MEAF6: variants seen among roughly 807,000 people sequenced by gnomAD.
MEAF6 encodes chromatin modification-related protein MEAF6.
MEAF6 carries 15 observed loss-of-function variants against 28.9 expected under a neutral mutation model. The observed-to-expected ratio is 0.52, with a 90% CI of 0.35 to 0.80. The LOEUF (loss-of-function observed/expected upper bound fraction) is 0.80, where lower values mean the gene tolerates loss of function less well. Among genes scored for constraint, MEAF6 ranks in the 30% least tolerant of loss-of-function variants. MEAF6 has a pLI of 0.01. For synonymous variants in MEAF6, 97 were observed against 88.7 expected, an observed-to-expected ratio of 1.09 and a Z score of -0.53; for missense variants, 178 against 237.5, an observed-to-expected ratio of 0.75 and a Z score of 1.65.
chr1:37,496,817 C>T, intron 5 of MEAF6: 1 of 1,424,932 alleles, frequency 7.0e-7, no homozygotes, highest in Non-Finnish European at 9.4e-7. Context: ...GCCACCCTAG[C>T]AAGAATTGTA....
At chr1:37,514,504 G>A (rs1642775390) in intron 1 of MEAF6, 153 bp downstream of exon 1, 7 of 431,856 alleles carry the variant, frequency 1.6e-5, no homozygotes, top group East Asian at 1.3e-4. Context: ...CCGGCGGGCC[G>A]CAGAATGCGC....
At chr1:37,500,444 T>G (rs191240195) in intron 5 of MEAF6, among the ~76,000 whole-genome samples, 5 of 152,378 alleles carry the variant, frequency 3.3e-5, no homozygotes, top group Admixed American at 1.3e-4. Flanking sequence ...CTTACTACAG[T>G]TGGTCAAATA....
In MEAF6 at chr1:37,494,074, G is replaced by A. The variant is rs752245969; in HGVS notation, c.*25C>T. The A allele has an allele frequency of 1.2e-6, 2 of 1,609,712 alleles. No individual in the cohort carries two copies. The highest frequency in any genetic ancestry group is 1.7e-5 in the Admixed American group (1 of 58,722). On this transcript the variant is annotated 3_prime_UTR_variant, in exon 7 of 7. Transcript: ENST00000296214. ...GAAGGGAAGCAGGGCTCTACAGCCT[G>A]GAAGCTTCTGCACTAATGTGTCTTC...
In MEAF6 at chr1:37,490,749, G is replaced by T. The variant is rs539682673; in HGVS notation, c.*3350C>A. On this transcript the variant is annotated 3_prime_UTR_variant, in exon 7 of 7. Coordinates refer to ENST00000296214, the MANE Select transcript of MEAF6 (RefSeq NM_001270875.3). ...TTAAGCAATAATGCCTCATTAGGCC[G>T]GGTGCAGTGGCTCACGCCTGTAATC... 1.3e-5 allele frequency among the ~76,000 whole-genome samples: 2 copies of T among 152,166 alleles called. No individual in the cohort carries two copies. The highest frequency in any genetic ancestry group is 4.8e-5 in the African/African-American group (2 of 41,430).
intron 4 of MEAF6, among the ~76,000 whole-genome samples, chr1:37,507,831 A>C (rs1162331541): frequency 1.3e-5 from 2 of 152,180 alleles, no homozygotes; most frequent in Non-Finnish European, 2.9e-5. Context: ...TCTTAAAAAA[A>C]AAAAAAAAGA....
chr1:37,496,003 A>G (rs774717327), intron 5 of MEAF6, 85 bp from the exon 6 acceptor site: 39 of 1,098,604 alleles, frequency 3.5e-5, no homozygotes, highest in Non-Finnish European at 4.6e-5. Context: ...GGCATAAGCT[A>G]TAACAAAGAC....
At chr1:37,511,881 T>C (rs746631637) in intron 2 of MEAF6, among the ~76,000 whole-genome samples, 1 of 152,158 alleles carries the variant, frequency 6.6e-6, no homozygotes, top group Non-Finnish European at 1.5e-5. Context: ...CAAAACAAAT[T>C]AGCAAAGAAT....
At chr1:37,499,091 C>T (rs1271873598) in intron 5 of MEAF6, among the ~76,000 whole-genome samples, 1 of 151,976 alleles carries the variant, frequency 6.6e-6, no homozygotes, top group Non-Finnish European at 1.5e-5. Flanking sequence ...GTCAAAGCTG[C>T]AATGACCCAT....
At position 37,492,425 on chromosome 1, in the gene MEAF6, A is replaced by G. The variant is rs1641966479; in HGVS notation, c.*1674T>C. On this transcript the variant is annotated 3_prime_UTR_variant, in exon 7 of 7. Transcript: ENST00000296214. The stretch of plus-strand genomic sequence containing the variant: ...CTCCCTCCCAGCAAAGGAGACCAAC[A>G]GACAAAAAATACAGAATGCTTCTAG... 1 of 152,100 alleles carries G rather than the reference A, an allele frequency of 6.6e-6. No homozygotes were observed. Among genetic ancestry groups the G allele is most frequent in the Admixed American group, 6.6e-5 (1 of 15,260 alleles). The allele number at this position is 152,100 out of a possible 1,614,324, so 9.4% of individuals were successfully genotyped here. A position where few individuals can be genotyped will look rare whatever the true frequency, so the allele number is the denominator to read the frequency against.
chr1:37,509,642 C>T (rs997919756), intron 2 of MEAF6, 100 bp from the exon 3 acceptor site: 33 of 1,031,710 alleles, frequency 3.2e-5, no homozygotes, highest in South Asian at 4.7e-5. Flanking sequence ...GCTTCCATGT[C>T]ACTCAGACTG....
At chr1:37,502,603 A>G (rs1267745334) in intron 4 of MEAF6, among the ~76,000 whole-genome samples, 7 of 148,196 alleles carry the variant, frequency 4.7e-5, no homozygotes, top group Non-Finnish European at 3.0e-5. Flanking sequence ...GTTGAACTTG[A>G]ACCTCGTAAG....
At position 37,514,614 on chromosome 1, in the gene MEAF6, G is replaced by A. The variant is rs754597988; in HGVS notation, c.90+43C>T. 5.9e-4 allele frequency: 842 copies of A among 1,419,990 alleles called. 1 individual carries two copies. Among genetic ancestry groups the A allele is most frequent in the Non-Finnish European group, 7.3e-4 (786 of 1,071,822 alleles). The allele number at this position is 1,419,990 out of a possible 1,614,324, so 88.0% of individuals were successfully genotyped here. On this transcript the variant is annotated intron_variant, in intron 1 of 6. Transcript: ENST00000296214. ...GGCTTGGGGCCTGGAGGCGGGGCGG[G>A]CGCGGAGCCCCATGCCGTGCAACCC...
In MEAF6 at chr1:37,491,938, A is replaced by T. The variant is rs1641946783; in HGVS notation, c.*2161T>A. ...TTCTTTTTTTTTTTTTTTTTGACAGAGTCTCGCTCTGTCGCCCAGGCTGCT... is the reference window on the plus strand; with the variant it reads ...TTCTTTTTTTTTTTTTTTTTGACAGTGTCTCGCTCTGTCGCCCAGGCTGCT... On this transcript the variant is annotated 3_prime_UTR_variant, in exon 7 of 7. Coordinates refer to ENST00000296214, the MANE Select transcript of MEAF6 (RefSeq NM_001270875.3). 2.8e-5 allele frequency among the ~76,000 whole-genome samples: 4 copies of T among 145,448 alleles called. No homozygotes were observed. The South Asian group carries it at 8.5e-4, about 31-fold the overall frequency.
Position 37,493,868 on chromosome 1 carries a change from T to C in MEAF6, c.*231A>G, listed in dbSNP as rs536364192. 1 of 1,557,772 alleles carries C rather than the reference T, an allele frequency of 6.4e-7. No homozygotes were observed. The highest frequency in any genetic ancestry group is 2.0e-5 in the Admixed American group (1 of 49,240). On this transcript the variant is annotated 3_prime_UTR_variant, in exon 7 of 7. Transcript: ENST00000296214. ...ACTTGCTGGGATTACAACATTGTCT[T>C]CATCTTCCTGCAGTTCTGTTACTAA...
chr1:37,507,096 G>T (rs1270917711), intron 4 of MEAF6, among the ~76,000 whole-genome samples: 1 of 152,172 alleles, frequency 6.6e-6, no homozygotes, highest in Non-Finnish European at 1.5e-5. Context: ...AAGGCAGATG[G>T]ATCACCTGAG....
At chr1:37,514,611 C>T in intron 1 of MEAF6, 46 bp downstream of exon 1, 2 of 1,403,702 alleles carry the variant, frequency 1.4e-6, no homozygotes, top group Non-Finnish European at 1.9e-6. Context: ...GGAGGCGGGG[C>T]GGGCGCGGAG....
rs1270733774 is a variant in MEAF6 at position 37,493,410 on chromosome 1, A to G, written c.*689T>C. 1 of 248,818 alleles carries G rather than the reference A, an allele frequency of 4.0e-6. No homozygotes were observed. The highest frequency in any genetic ancestry group is 7.6e-5 in the East Asian group (1 of 13,138). 15.4% of individuals were successfully genotyped at this position (248,818 alleles called of 1,614,324 possible). Reference sequence around the variant, plus strand: ...TTTCCATTTTTCCTGTTCCTTGAACATGAATCTACTACCAACTCAGAAAGA... The same window carrying G: ...TTTCCATTTTTCCTGTTCCTTGAACGTGAATCTACTACCAACTCAGAAAGA... On this transcript the variant is annotated 3_prime_UTR_variant, in exon 7 of 7. Transcript: ENST00000296214.
rs181412934 is a variant in MEAF6 at position 37,491,614 on chromosome 1, G to A, written c.*2485C>T. Reference sequence around the variant, plus strand: ...CTAGTAAGGCTGAAGCAGGAAGATGGCTTGACCCCAGAAGTTCGAGGCTGC... The same window carrying A: ...CTAGTAAGGCTGAAGCAGGAAGATGACTTGACCCCAGAAGTTCGAGGCTGC... On this transcript the variant is annotated 3_prime_UTR_variant, in exon 7 of 7. Coordinates refer to ENST00000296214, the MANE Select transcript of MEAF6 (RefSeq NM_001270875.3). 5.1e-4 allele frequency among the ~76,000 whole-genome samples: 77 copies of A among 152,206 alleles called. 1 individual carries two copies. Among genetic ancestry groups the A allele is most frequent in the Admixed American group, 4.6e-3 (70 of 15,286 alleles).
chr1:37,506,609 C>T (rs1642491547), intron 4 of MEAF6, among the ~76,000 whole-genome samples: 1 of 152,124 alleles, frequency 6.6e-6, no homozygotes, highest in Non-Finnish European at 1.5e-5. Context: ...TCTTGAACTC[C>T]AGGGCTCAAG....
Sources: gnomAD v4.1 joint callset for allele counts (sites outside exome capture counted in the v4.1 genomes callset) on GRCh38, gnomAD v4.1.1 for gene constraint, MANE v1.5 for transcripts, NCBI Gene and HGNC (gene_info 2026-07-23, HGNC 2026-07-21) for gene names.